Variants in GABBR2 observed in about 807,000 individuals in gnomAD.
The protein encoded by GABBR2 is G-protein coupled receptor 51.
A neutral mutation model predicts 105.6 loss-of-function variants in GABBR2; 23 were observed. That is an observed-to-expected ratio of 0.22 (90% CI 0.16 to 0.31). GABBR2 has a LOEUF of 0.31. GABBR2 is among the 10% of genes least tolerant of loss of function. The probability of loss-of-function intolerance (pLI) is 1.00; values close to 1 mark genes in which losing one functional copy is unlikely to be tolerated. For missense variants in GABBR2, 734 were observed against 1,245.5 expected (o/e 0.59, Z 6.18); for synonymous variants, 478 against 499.7 (o/e 0.96, Z 0.58).
rs150143101 is a variant in GABBR2 at position 98,386,687 on chromosome 9, C to T, written c.1530-915G>A. On this transcript the variant is annotated intron_variant, in intron 10 of 18. Coordinates refer to ENST00000259455, the MANE Select transcript of GABBR2 (RefSeq NM_005458.8). ...TCAGAAGGGCTTCAGGTTTTAGGCGCCCTGTGGTTGAGGGGCTCTTTTGCA... is the reference window on the plus strand; with the variant it reads ...TCAGAAGGGCTTCAGGTTTTAGGCGTCCTGTGGTTGAGGGGCTCTTTTGCA... 1.7e-3 allele frequency among the ~76,000 whole-genome samples: 253 copies of T among 152,300 alleles called. 1 individual carries two copies. Among genetic ancestry groups the T allele is most frequent in the African/African-American group, 5.8e-3 (240 of 41,558 alleles).
chr9:98,462,228 C>G (rs1314635963), intron 6 of GABBR2, among the ~76,000 whole-genome samples: 3 of 152,044 alleles, frequency 2.0e-5, no homozygotes, highest in African/African-American at 4.8e-5. Flanking sequence ...TTCTTATTTT[C>G]TGACTTTTTT....
chr9:98,449,659 C>A (rs1826198814), intron 7 of GABBR2, among the ~76,000 whole-genome samples: 1 of 152,208 alleles, frequency 6.6e-6, no homozygotes, highest in Non-Finnish European at 1.5e-5. Context: ...ATGAGCTCTG[C>A]TGAGCTGGGT....
At chr9:98,587,275 G>A (rs1276390022) in intron 1 of GABBR2, among the ~76,000 whole-genome samples, 1 of 152,158 alleles carries the variant, frequency 6.6e-6, no homozygotes, top group Non-Finnish European at 1.5e-5. Context: ...CAGCCACAAT[G>A]CCAAGCTGAA....
At chr9:98,646,321 C>T (rs899431221) in intron 1 of GABBR2, among the ~76,000 whole-genome samples, 1 of 152,216 alleles carries the variant, frequency 6.6e-6, no homozygotes, top group Non-Finnish European at 1.5e-5. Flanking sequence ...ACCTTGCACA[C>T]TGAGACTCTA....
At chr9:98,658,253 G>A (rs1338697074) in intron 1 of GABBR2, among the ~76,000 whole-genome samples, 1 of 152,136 alleles carries the variant, frequency 6.6e-6, no homozygotes, top group Admixed American at 6.5e-5. Context: ...GAATCACCAA[G>A]GGAGGTATTT....
intron 2 of GABBR2, among the ~76,000 whole-genome samples, chr9:98,570,178 C>G (rs987507984): frequency 1.4e-4 from 22 of 152,184 alleles, no homozygotes; most frequent in Non-Finnish European, 3.2e-4. Flanking sequence ...GGAGACAGCC[C>G]CATGACACAA....
chr9:98,455,911 C>T (rs543887123), intron 6 of GABBR2, among the ~76,000 whole-genome samples: 2 of 152,286 alleles, frequency 1.3e-5, no homozygotes, highest in African/African-American at 4.8e-5. Context: ...GTTTCAGGGT[C>T]CTCCTGGAAG....
At chr9:98,594,807 C>G (rs1537737) in intron 1 of GABBR2, among the ~76,000 whole-genome samples, 70,338 of 152,084 alleles carry the variant, frequency 0.46, 16,878 homozygotes, top group East Asian at 0.68. Context: ...TGCTGGGAAG[C>G]CCTAACCATG....
intron 3 of GABBR2, among the ~76,000 whole-genome samples, chr9:98,534,407 G>A (rs1828128616): frequency 3.3e-5 from 5 of 152,166 alleles, no homozygotes; most frequent in Admixed American, 3.3e-4. Context: ...ATGCAGTGGG[G>A]CTCCTGAATA....
chr9:98,554,338 C>T lies in GABBR2; in HGVS notation c.460-12295G>A, dbSNP rs142896335. Among the ~76,000 whole-genome samples, 492 of 150,498 alleles carry T rather than the reference C, an allele frequency of 3.3e-3. 3 individuals carry two copies. The highest frequency in any genetic ancestry group is 0.011 in the African/African-American group (454 of 40,840). The stretch of plus-strand genomic sequence containing the variant: ...TCATGCCACTACACTCCAGCCTGAG[C>T]GAGAGTGAGGCCCTGTCAAAGAAAG... On this transcript the variant is annotated intron_variant, in intron 2 of 18. Transcript: ENST00000259455.
At chr9:98,462,464 G>A (rs939331679) in intron 6 of GABBR2, among the ~76,000 whole-genome samples, 43 of 152,150 alleles carry the variant, frequency 2.8e-4, no homozygotes, top group African/African-American at 1.0e-3. Context: ...AACAGGCAGA[G>A]TATCCAACAG....
rs1830734047 is a variant in GABBR2, at chr9:98,695,219, T to C, written c.321+13198A>G. Among the ~76,000 whole-genome samples the C allele has an allele frequency of 2.0e-5, 3 of 152,182 alleles. No individual in the cohort carries two copies. In the South Asian group the frequency reaches 6.2e-4, roughly 32 times the overall value. ...TCCAGACACAGAGACCTTCATTCAC[T>C]CACAAATATTCTGGAGTACCTGCAG... On this transcript the variant is annotated intron_variant, in intron 1 of 18. Coordinates refer to ENST00000259455, the MANE Select transcript of GABBR2 (RefSeq NM_005458.8).
intron 7 of GABBR2, among the ~76,000 whole-genome samples, chr9:98,408,891 G>T (rs900900167): frequency 4.6e-5 from 7 of 152,160 alleles, no homozygotes; most frequent in African/African-American, 1.7e-4. Context: ...GGGTTCAGGC[G>T]ACCCTCCTGC....
chr9:98,291,981 C>T (rs1438879516), intron 18 of GABBR2, among the ~76,000 whole-genome samples: 1 of 152,208 alleles, frequency 6.6e-6, no homozygotes, highest in South Asian at 2.1e-4. Context: ...GAAAAGGGAG[C>T]TGCCCTCTGA....
rs1363876623 is a variant in GABBR2 at position 98,293,824 on chromosome 9, G to T, written c.2621C>A (p.Thr874Lys). ...TATATCTTCTATAGGATCTTTGCAT[G>T]TTCGAGAGGGCTCTGTTGTGTTCCA... Reference protein sequence around the residue: ...LQWNTTEPSRTCKDPIEDINS... With the variant: ...LQWNTTEPSRKCKDPIEDINS... Residue 874 changes from threonine (T) to lysine (K), a missense_variant, in exon 18 of 19, where the codon ACA becomes AAA. This residue lies in a region of GABBR2 where 134 missense variants were observed against 171.2 expected (regional missense o/e 0.78). Coordinates refer to ENST00000259455, the MANE Select transcript of GABBR2 (RefSeq NM_005458.8). 3.7e-6 allele frequency: 6 copies of T among 1,609,428 alleles called. No homozygotes were observed. In the African/African-American group the frequency reaches 8.0e-5, roughly 22 times the overall value.
At chr9:98,368,855 G>C (rs531110169) in intron 12 of GABBR2, among the ~76,000 whole-genome samples, 2 of 152,308 alleles carry the variant, frequency 1.3e-5, no homozygotes, top group East Asian at 1.9e-4. Context: ...TTTGGCCAGG[G>C]ATGGGGAAAA....
chr9:98,460,051 T>C (rs118133628), intron 6 of GABBR2, among the ~76,000 whole-genome samples: 1 of 152,252 alleles, frequency 6.6e-6, no homozygotes, highest in South Asian at 2.1e-4. Context: ...GAGAAAAGTA[T>C]ATGGAATGGA....
At chr9:98,336,682 C>T (rs976583384) in intron 13 of GABBR2, among the ~76,000 whole-genome samples, 2 of 151,994 alleles carry the variant, frequency 1.3e-5, no homozygotes, top group African/African-American at 2.4e-5. Flanking sequence ...CCAGCCTGAG[C>T]GACAGAGGGA....
At chr9:98,353,058 A>G (rs1413684713) in intron 13 of GABBR2, among the ~76,000 whole-genome samples, 1 of 152,066 alleles carries the variant, frequency 6.6e-6, no homozygotes, top group Non-Finnish European at 1.5e-5. Flanking sequence ...ATGCAGTTGT[A>G]TGGACTCCAG....
Sources: gnomAD v4.1 joint callset for allele counts (sites outside exome capture counted in the v4.1 genomes callset) on GRCh38, gnomAD v4.1.1 for gene constraint, gnomAD v4.1.1 regional missense constraint, MANE v1.5 for transcripts, NCBI Gene and HGNC (gene_info 2026-07-23, HGNC 2026-07-21) for gene names.